The following ATP2C1 variants were observed in gnomAD, a reference collection of about 807,000 sequenced individuals.
ATP2C1 encodes ATPase secretory pathway Ca2+ transporting 1.
A neutral mutation model predicts 120.5 loss-of-function variants in ATP2C1; 31 were observed. The ratio of observed to expected loss-of-function variants is 0.26; its 90% CI spans 0.19 to 0.35. The LOEUF is 0.35. Among genes scored for constraint, ATP2C1 ranks in the 10% least tolerant of loss-of-function variants. The pLI is 1.00. For missense variants in ATP2C1, 731 were observed against 1,107.5 expected, an observed-to-expected ratio of 0.66 and a Z score of 4.83; for synonymous variants, 351 against 358.7, an observed-to-expected ratio of 0.98 and a Z score of 0.24.
chr3:131,009,001 C>G (rs2063216846), intron 26 of ATP2C1, among the ~76,000 whole-genome samples: 2 of 152,326 alleles, frequency 1.3e-5, no homozygotes, highest in Non-Finnish European at 1.5e-5. Flanking sequence ...CTTCCCATCT[C>G]TCTCTCTTTG....
At chr3:130,895,354 C>T (rs2069518064) in intron 2 of ATP2C1, among the ~76,000 whole-genome samples, 1 of 152,206 alleles carries the variant, frequency 6.6e-6, no homozygotes, top group East Asian at 1.9e-4. Flanking sequence ...AGGAGGCTGA[C>T]AGCGGAACCT....
intron 20 of ATP2C1, among the ~76,000 whole-genome samples, chr3:130,983,105 T>TAG (rs1406337136): frequency 2.6e-5 from 4 of 152,144 alleles, no homozygotes; most frequent in African/African-American, 9.7e-5. Context: ...CATATATATA[T>TAG]ATAGAGAGAG....
chr3:130,973,410 A>G (rs2061415723), intron 17 of ATP2C1, among the ~76,000 whole-genome samples: 1 of 152,204 alleles, frequency 6.6e-6, no homozygotes, highest in Non-Finnish European at 1.5e-5. Context: ...AAAGTATGGT[A>G]GTCTGCCACT....
At chr3:130,880,656 C>T (rs2068752921) in intron 1 of ATP2C1, among the ~76,000 whole-genome samples, 1 of 152,186 alleles carries the variant, frequency 6.6e-6, no homozygotes, top group Non-Finnish European at 1.5e-5. Flanking sequence ...TCATTTATCT[C>T]ATAAACTATA....
At chr3:130,963,576 TC>T (rs2060921178) in intron 12 of ATP2C1, 1 of 218,522 alleles carries the variant, frequency 4.6e-6, no homozygotes, top group South Asian at 6.9e-5. Flanking sequence ...CCTGTTTCCA[TC>T]TTTTGGCTAT....
At chr3:130,946,212 A>C (rs879763950) in intron 8 of ATP2C1, among the ~76,000 whole-genome samples, 10 of 152,226 alleles carry the variant, frequency 6.6e-5, no homozygotes, top group Non-Finnish European at 1.3e-4. Flanking sequence ...CTGGGCAGAA[A>C]GGTTAGTTCT....
intron 1 of ATP2C1, among the ~76,000 whole-genome samples, chr3:130,884,132 G>A (rs1166761684): frequency 6.6e-6 from 1 of 151,100 alleles, no homozygotes; most frequent in African/African-American, 2.4e-5. Flanking sequence ...GTAGAGAGGG[G>A]GTTTCACGAC....
At chr3:130,937,031 ATTT>A (rs1157369290) in intron 5 of ATP2C1, among the ~76,000 whole-genome samples, 3 of 152,058 alleles carry the variant, frequency 2.0e-5, no homozygotes, top group African/African-American at 7.2e-5. Flanking sequence ...TTTTTGGAAA[ATTT>A]ATTTTTCATA....
At chr3:130,926,189 A>G (rs1305132277) in intron 2 of ATP2C1, among the ~76,000 whole-genome samples, 1 of 152,166 alleles carries the variant, frequency 6.6e-6, no homozygotes, top group Non-Finnish European at 1.5e-5. Context: ...CTTGTATTGT[A>G]GCAAAAGTTC....
chr3:131,010,534 T>C (rs371235019), intron 26 of ATP2C1, among the ~76,000 whole-genome samples: 21 of 152,258 alleles, frequency 1.4e-4, no homozygotes, highest in African/African-American at 4.6e-4. Context: ...CTCTTTCAAA[T>C]TGGGCTTTAA....
chr3:130,949,437 A>G (rs1490902558), intron 8 of ATP2C1, among the ~76,000 whole-genome samples: 1 of 152,186 alleles, frequency 6.6e-6, no homozygotes, highest in Non-Finnish European at 1.5e-5. Context: ...GCTGCCAAAG[A>G]AAAGTTTGAA....
intron 1 of ATP2C1, among the ~76,000 whole-genome samples, chr3:130,857,266 G>A (rs1223392319): frequency 6.6e-6 from 1 of 152,186 alleles, no homozygotes; most frequent in East Asian, 1.9e-4. Context: ...ATCATTGATA[G>A]CTTGCATAAA....
intron 1 of ATP2C1, among the ~76,000 whole-genome samples, chr3:130,864,739 T>A (rs2068114512): frequency 6.6e-6 from 1 of 152,100 alleles, no homozygotes; most frequent in South Asian, 2.1e-4. Context: ...AGCTTCCACG[T>A]GTTGTTGAGC....
intron 26 of ATP2C1, among the ~76,000 whole-genome samples, chr3:131,009,119 T>C (rs1166502087): frequency 2.0e-5 from 3 of 152,224 alleles, no homozygotes; most frequent in African/African-American, 7.2e-5. Context: ...TCCTATTGGT[T>C]GTACAAACCC....
At chr3:130,878,420 A>G (rs889672480) in intron 1 of ATP2C1, among the ~76,000 whole-genome samples, 4 of 151,636 alleles carry the variant, frequency 2.6e-5, no homozygotes, top group Admixed American at 6.6e-5. Flanking sequence ...CAGTTTAATG[A>G]TTTTCTGTAG....
intron 1 of ATP2C1, among the ~76,000 whole-genome samples, chr3:130,866,346 G>C (rs1289537754): frequency 1.3e-5 from 2 of 152,182 alleles, no homozygotes; most frequent in African/African-American, 4.8e-5. Flanking sequence ...TAGAGCCTCT[G>C]AAATGTTATC....
chr3:130,869,422 T>TAAAAAAAAAAAAAAAAAAAA (rs2068342474), intron 1 of ATP2C1: 1 of 54,808 alleles, frequency 1.8e-5, no homozygotes, highest in East Asian at 1.1e-3. Flanking sequence ...GAATGATCAA[T>TAAAAAAAAAAAAAAAAAAAA]AAAAAATAAA....
At chr3:130,939,110 C>T (rs149273855) in intron 6 of ATP2C1, among the ~76,000 whole-genome samples, 1 of 152,114 alleles carries the variant, frequency 6.6e-6, no homozygotes, top group Non-Finnish European at 1.5e-5. Flanking sequence ...ACCAAATATG[C>T]CTGTGAAACC....
intron 17 of ATP2C1, among the ~76,000 whole-genome samples, chr3:130,971,299 G>A (rs1295566571): frequency 1.3e-5 from 2 of 152,138 alleles, no homozygotes; most frequent in African/African-American, 4.8e-5. Context: ...GTGGGAGTGG[G>A]GGACAGAAAG....
Sources: allele counts gnomAD v4.1 joint callset (sites outside exome capture counted in the v4.1 genomes callset), GRCh38; gene constraint gnomAD v4.1.1; transcripts MANE v1.5; gene names NCBI Gene and HGNC (gene_info 2026-07-23, HGNC 2026-07-21).